Variants in UVSSA observed in about 807,000 individuals in gnomAD.
UVSSA encodes UV-stimulated scaffold protein A.
UVSSA carries 72 observed loss-of-function variants against 73.9 expected under a neutral mutation model. That is an observed-to-expected ratio of 0.97 (90% confidence interval 0.81 to 1.19). The LOEUF (loss-of-function observed/expected upper bound fraction) is 1.19. UVSSA is among the 50% of genes most tolerant of loss of function. The pLI is 0.00. For missense variants in UVSSA, 1,150 were observed against 965.0 expected (o/e 1.19, Z -2.54); for synonymous variants, 454 against 391.3 (o/e 1.16, Z -1.89).
At chr4:1,379,692 C>T (rs1028603112) in intron 10 of UVSSA, among the ~76,000 whole-genome samples, 3 of 152,222 alleles carry the variant, frequency 2.0e-5, no homozygotes, top group Admixed American at 2.0e-4. Flanking sequence ...CAGCTGTCGC[C>T]CTTGTCCTAT....
At position 1,380,952 on chromosome 4, in the gene UVSSA, GAGC is replaced by G. The variant is rs1719423613; in HGVS notation, c.1829_1831del (p.Gln610del). Reference sequence around the variant, plus strand: ...GCTCGACCCGGAAGACAGGGCTCGTGAGCAGCGGCGGCAGCTGCAGAAGCAGGA... The same window carrying G: ...GCTCGACCCGGAAGACAGGGCTCGTGAGCGGCGGCAGCTGCAGAAGCAGGA... On this transcript the variant is annotated inframe_deletion, in exon 12 of 14. Coordinates refer to ENST00000389851, the MANE Select transcript of UVSSA (RefSeq NM_020894.4). 1 of 1,612,920 alleles carries G rather than the reference GAGC, an allele frequency of 6.2e-7. No homozygotes were observed. The highest frequency in any genetic ancestry group is 2.2e-5 in the East Asian group (1 of 44,872).
At chr4:1,378,692 C>T (rs1238810729) in intron 10 of UVSSA, among the ~76,000 whole-genome samples, 16 of 152,216 alleles carry the variant, frequency 1.1e-4, no homozygotes, top group Admixed American at 1.0e-3. Context: ...CACGGGGCGT[C>T]TCTGGTCCGA....
At position 1,386,149 on chromosome 4, in the gene UVSSA, G is replaced by A. The variant is rs568033586; in HGVS notation, c.*188G>A. The A allele has an allele frequency of 1.1e-4, 74 of 652,482 alleles. No individual in the cohort carries two copies. The East Asian group carries it at 2.1e-3, about 19-fold the overall frequency. The allele number at this position is 652,482 out of a possible 1,614,324, so 40.4% of individuals were successfully genotyped here. A position where few individuals can be genotyped will look rare whatever the true frequency, so the allele number is the denominator to read the frequency against. ...CTGCTACAGGGTTCGGCATCGTCTG[G>A]TGATGGGTCTGGCCTCGCAGAAGAG... is the stretch of plus-strand genomic sequence containing the variant. On this transcript the variant is annotated 3_prime_UTR_variant, in exon 14 of 14. Transcript: ENST00000389851.
chr4:1,345,644 C>CAAA (rs71168831), upstream of UVSSA, among the ~76,000 whole-genome samples: 2,307 of 55,890 alleles, frequency 0.041, 313 homozygotes, highest in African/African-American at 0.11. Context: ...GACTTTGTCT[C>CAAA]AAAAAAAAAA....
intron 7 of UVSSA, among the ~76,000 whole-genome samples, chr4:1,364,321 G>C (rs557518210): frequency 4.7e-5 from 7 of 148,328 alleles, no homozygotes; most frequent in African/African-American, 1.7e-4. Context: ...GCCTGGCTCC[G>C]TGGGGGCCAC....
chr4:1,353,501 T>C, intron 5 of UVSSA, 88 bp downstream of exon 5: 1 of 1,422,988 alleles, frequency 7.0e-7, no homozygotes, highest in Non-Finnish European at 9.2e-7. Flanking sequence ...CCCAGGAGCC[T>C]GGGGATGCAG....
At chr4:1,369,720 T>G (rs1409487143) in intron 8 of UVSSA, among the ~76,000 whole-genome samples, 1 of 152,258 alleles carries the variant, frequency 6.6e-6, no homozygotes, top group Admixed American at 6.5e-5. Flanking sequence ...CCTCTCCGTT[T>G]CCTACCATCG....
At chr4:1,394,358 T>G (rs1439488524) in exon 14 of UVSSA, 4 of 1,301,068 alleles carry the variant, frequency 3.1e-6, no homozygotes, top group Non-Finnish European at 3.1e-6. Flanking sequence ...AAAGATTATA[T>G]TTGAAATGTT....
chr4:1,371,256 C>CTG (rs34839757), intron 8 of UVSSA, among the ~76,000 whole-genome samples: 37,170 of 146,400 alleles, frequency 0.25, 5,209 homozygotes, highest in Non-Finnish European at 0.34. Context: ...GTGGGTGGAC[C>CTG]TGTGTGTGTG....
chr4:1,357,179 G>A (rs1258439611), intron 7 of UVSSA, among the ~76,000 whole-genome samples: 2 of 147,662 alleles, frequency 1.4e-5, no homozygotes, highest in Non-Finnish European at 1.5e-5. Flanking sequence ...AGAGCAGAGC[G>A]GGGCTGATGG....
chr4:1,356,985 GC>G (rs76700913), intron 7 of UVSSA: 18,717 of 153,154 alleles, frequency 0.12, 2,074 homozygotes, highest in East Asian at 0.42. Flanking sequence ...GGGTCAGCTG[GC>G]TTATTGGTGA....
intron 11 of UVSSA, chr4:1,380,537 C>T: frequency 1.9e-6 from 2 of 1,065,910 alleles, no homozygotes; most frequent in Non-Finnish European, 2.6e-6. Context: ...GGCCTGGGAT[C>T]CTCAAAAGTG....
At chr4:1,389,987 C>G (rs1720369501), downstream of UVSSA, 1 of 152,168 alleles carries the variant, frequency 6.6e-6, no homozygotes, top group African/African-American at 2.4e-5. Context: ...TTAATTTCCA[C>G]TGTAATCTTT....
Position 1,383,822 on chromosome 4 carries a change from G to C in UVSSA, c.1918G>C (p.Gly640Arg). 1 of 1,613,608 alleles carries C rather than the reference G, an allele frequency of 6.2e-7. No individual in the cohort carries two copies. Among genetic ancestry groups the C allele is most frequent in the Non-Finnish European group, 8.5e-7 (1 of 1,180,018 alleles). ...DVEAATGQDL[G>R]SSRYSGKGRG... ...GGAAGCAGCCACAGGGCAGGATCTC[G>C]GCTCATCCAGGTACAGCGGGAAAGG... is the stretch of plus-strand genomic sequence containing the variant. Residue 640 changes from glycine to arginine, a missense_variant, in exon 13 of 14, where the codon GGC becomes CGC. By Grantham distance (125) the Gly-to-Arg change is moderately radical. Transcript: ENST00000389851.
Position 1,353,117 on chromosome 4 carries a change from A to T in UVSSA, c.638A>T (p.Glu213Val). 1.2e-6 allele frequency: 2 copies of T among 1,613,058 alleles called. No individual in the cohort carries two copies. Among genetic ancestry groups the T allele is most frequent in the Non-Finnish European group, 1.7e-6 (2 of 1,180,014 alleles). Residue 213 changes from glutamate (E) to valine (V), a missense_variant, in exon 5 of 14, where the codon GAG (glutamate) becomes GTG (valine). Physicochemically the swap from Glu to Val is moderately radical, Grantham distance 121. Transcript: ENST00000389851. ...LVPFDFDPNP[E>V]TESLGMASGM... The stretch of plus-strand genomic sequence containing the variant: ...CCTTTTGACTTTGACCCGAACCCGG[A>T]GACGGAATCCCTTGGCATGGCTTCT...
exon 14 of UVSSA, chr4:1,394,504 C>T: frequency 1.2e-6 from 2 of 1,614,188 alleles, no homozygotes; most frequent in Non-Finnish European, 1.7e-6. Context: ...GGTGTCCCTG[C>T]ACCTCTTATG....
chr4:1,362,800 C>G (rs1716830529), intron 7 of UVSSA, among the ~76,000 whole-genome samples: 1 of 152,196 alleles, frequency 6.6e-6, no homozygotes, highest in African/African-American at 2.4e-5. Context: ...CCTCACCCTC[C>G]CTTTGGGCTC....
exon 14 of UVSSA, chr4:1,394,047 G>T (rs1161499461): frequency 3.8e-6 from 1 of 263,868 alleles, no homozygotes; most frequent in Non-Finnish European, 7.3e-6. Context: ...CAGTTGATAT[G>T]TGGTCAGTGC....
At chr4:1,381,893 G>GA (rs1175211076) in intron 12 of UVSSA, among the ~76,000 whole-genome samples, 2 of 152,080 alleles carry the variant, frequency 1.3e-5, no homozygotes, top group Non-Finnish European at 2.9e-5. Flanking sequence ...AGCTGGTCTT[G>GA]AACTCCTGCA....
Sources: gnomAD v4.1 joint callset for allele counts (sites outside exome capture counted in the v4.1 genomes callset) on GRCh38, gnomAD v4.1.1 for gene constraint, MANE v1.5 for transcripts, NCBI Gene and HGNC (gene_info 2026-07-23, HGNC 2026-07-21) for gene names.